The following CHODL variants were observed in gnomAD, a reference collection of about 807,000 sequenced individuals.
The protein encoded by CHODL is chondrolectin.
In CHODL, 29 loss-of-function variants were observed where a neutral mutation model predicts 34.5. The observed-to-expected ratio is 0.84, with a 90% confidence interval of 0.63 to 1.15. The LOEUF is 1.15. Among genes scored for constraint, CHODL ranks in the 50% most tolerant of loss-of-function variants. CHODL has a pLI of 0.00. For synonymous variants in CHODL, 125 were observed against 116.1 expected, an observed-to-expected ratio of 1.08 and a Z score of -0.49; for missense variants, 332 against 332.5, an observed-to-expected ratio of 1.00 and a Z score of 0.01.
intron 1 of CHODL, among the ~76,000 whole-genome samples, chr21:17,944,857 T>C (rs1349147997): frequency 2.0e-5 from 3 of 152,218 alleles, no homozygotes; most frequent in Non-Finnish European, 2.9e-5. Context: ...TCTTTTCAGA[T>C]GCACAGACAA....
chr21:18,030,404 AG>A (rs1298996979), intron 2 of CHODL, among the ~76,000 whole-genome samples: 4 of 152,180 alleles, frequency 2.6e-5, no homozygotes, highest in African/African-American at 7.2e-5. Context: ...TAGGCTGGCT[AG>A]ACCTGCTAGG....
At chr21:18,101,386 T>C (rs2065211676) in intron 2 of CHODL, among the ~76,000 whole-genome samples, 1 of 152,154 alleles carries the variant, frequency 6.6e-6, no homozygotes, top group African/African-American at 2.4e-5. Context: ...AGTAAATCTT[T>C]ATTGCAGTTT....
chr21:18,041,318 C>T (rs1321868064), intron 2 of CHODL, among the ~76,000 whole-genome samples: 1 of 151,854 alleles, frequency 6.6e-6, no homozygotes, highest in East Asian at 2.0e-4. Context: ...GTTACTTAAC[C>T]TCTCTAAGCT....
intron 1 of CHODL, among the ~76,000 whole-genome samples, chr21:17,963,140 T>C (rs147368454): frequency 6.6e-6 from 1 of 152,000 alleles, no homozygotes; most frequent in Non-Finnish European, 1.5e-5. Flanking sequence ...CCCAAAAAGG[T>C]TGACAGTGAA....
chr21:17,975,677 A>C (rs758708266), intron 1 of CHODL, among the ~76,000 whole-genome samples: 5 of 152,036 alleles, frequency 3.3e-5, no homozygotes, highest in Non-Finnish European at 7.4e-5. Flanking sequence ...CTTCTGTACT[A>C]TTTACTGGAA....
At chr21:17,951,162 T>C (rs927275630) in intron 1 of CHODL, among the ~76,000 whole-genome samples, 1 of 151,482 alleles carries the variant, frequency 6.6e-6, no homozygotes, top group Non-Finnish European at 1.5e-5. Flanking sequence ...TTAAGTTGTT[T>C]AGTGGCATGA....
At chr21:17,970,230 T>C (rs1169684191) in intron 1 of CHODL, among the ~76,000 whole-genome samples, 2 of 152,160 alleles carry the variant, frequency 1.3e-5, no homozygotes, top group Non-Finnish European at 2.9e-5. Context: ...GCAGGGAAGG[T>C]AGTAAGCCCT....
In CHODL at chr21:18,256,505, TCAGGC is replaced by T; in HGVS notation, c.80-1_83del. ...ATATATGGGCATCTTTTTTTTTTTT[TCAGGC>T]CAAAAGGTGTGTTTTGCTGACTTCA... On this transcript the variant is annotated splice_acceptor_variant and splice_polypyrimidine_tract_variant and coding_sequence_variant and intron_variant, in exon 2 of 6. Coordinates refer to ENST00000299295, the MANE Select transcript of CHODL (RefSeq NM_024944.3). LOFTEE classifies it high-confidence loss of function. The T allele has an allele frequency of 3.8e-6, 6 of 1,575,758 alleles. No homozygotes were observed. The highest frequency in any genetic ancestry group is 1.4e-5 in the African/African-American group (1 of 72,598).
chr21:17,976,120 A>G (rs74951114), intron 1 of CHODL, among the ~76,000 whole-genome samples: 3,410 of 151,944 alleles, frequency 0.022, 125 homozygotes, highest in African/African-American at 0.074. Flanking sequence ...AAAATCCTCA[A>G]ATTAGCCAGG....
intron 2 of CHODL, among the ~76,000 whole-genome samples, chr21:18,187,335 T>A (rs984557633): frequency 1.3e-5 from 2 of 152,150 alleles, no homozygotes; most frequent in African/African-American, 4.8e-5. Context: ...CTGGACTGTA[T>A]GTCCCATGTC....
chr21:18,105,500 T>A (rs148468230), intron 2 of CHODL, among the ~76,000 whole-genome samples: 3 of 152,240 alleles, frequency 2.0e-5, no homozygotes, highest in Non-Finnish European at 4.4e-5. Flanking sequence ...AAATTAAGGA[T>A]CCTGATCATT....
chr21:18,154,284 G>C (rs1234094110), intron 2 of CHODL, among the ~76,000 whole-genome samples: 1 of 151,362 alleles, frequency 6.6e-6, no homozygotes, highest in African/African-American at 2.4e-5. Flanking sequence ...TTTTTTTTAG[G>C]AAGATGTCCC....
intron 2 of CHODL, among the ~76,000 whole-genome samples, chr21:18,082,629 C>T (rs976807869): frequency 1.3e-5 from 2 of 152,056 alleles, no homozygotes; most frequent in African/African-American, 4.8e-5. Flanking sequence ...AGATAAGAAA[C>T]CTATTGAGAA....
intron 2 of CHODL, among the ~76,000 whole-genome samples, chr21:18,137,183 ATGT>A (rs1034023699): frequency 2.6e-5 from 4 of 152,066 alleles, no homozygotes; most frequent in African/African-American, 9.7e-5. Flanking sequence ...AAAGGAATTG[ATGT>A]TGTCCAGATA....
chr21:17,974,980 A>G (rs1361875696), intron 1 of CHODL, among the ~76,000 whole-genome samples: 1 of 149,786 alleles, frequency 6.7e-6, no homozygotes, highest in Non-Finnish European at 1.5e-5. Flanking sequence ...TATATAAAAT[A>G]TATGTAAAAC....
intron 2 of CHODL, among the ~76,000 whole-genome samples, chr21:18,167,824 A>C (rs780717124): frequency 3.9e-5 from 6 of 152,206 alleles, no homozygotes; most frequent in Non-Finnish European, 8.8e-5. Context: ...CAACTTGATC[A>C]GATTGAAAAA....
chr21:18,101,127 T>C (rs2146544664), intron 2 of CHODL, among the ~76,000 whole-genome samples: 1 of 152,132 alleles, frequency 6.6e-6, no homozygotes, highest in South Asian at 2.1e-4. Flanking sequence ...TTTCCTTTGC[T>C]GTTCTCATGA....
chr21:18,033,166 C>G (rs1218848135), intron 2 of CHODL, among the ~76,000 whole-genome samples: 1 of 151,838 alleles, frequency 6.6e-6, no homozygotes. Flanking sequence ...CCTGATGGAA[C>G]AGAGAAAATG....
intron 1 of CHODL, among the ~76,000 whole-genome samples, chr21:17,993,844 A>T (rs2063822333): frequency 6.6e-6 from 1 of 152,214 alleles, no homozygotes; most frequent in African/African-American, 2.4e-5. Context: ...ACAGTGTATG[A>T]TCATTCCTCT....
Sources: allele counts gnomAD v4.1 joint callset (sites outside exome capture counted in the v4.1 genomes callset), GRCh38; gene constraint gnomAD v4.1.1; transcripts MANE v1.5; gene names NCBI Gene and HGNC (gene_info 2026-07-23, HGNC 2026-07-21).